The following SPNS3 variants were observed in gnomAD, a reference collection of about 807,000 sequenced individuals.
SPNS3 encodes protein spinster homolog 3.
Under a neutral mutation model 54.4 loss-of-function variants are expected in SPNS3, and 51 were observed. That is an observed-to-expected ratio of 0.94 (90% CI 0.75 to 1.18). The LOEUF (loss-of-function observed/expected upper bound fraction) is 1.18, where lower values mean the gene tolerates loss of function less well. Ranked by LOEUF, SPNS3 falls within the 50% of genes most tolerant of loss-of-function variation. The pLI, the probability that SPNS3 is intolerant of heterozygous loss-of-function variation, is 0.00. For missense variants in SPNS3, 669 were observed against 677.4 expected, an observed-to-expected ratio of 0.99 and a Z score of 0.14; for synonymous variants, 309 against 294.7, an observed-to-expected ratio of 1.05 and a Z score of -0.50.
chr17:4,449,207 A>G (rs1309607728), intron 6 of SPNS3, 28 bp from the exon 7 acceptor site: 17 of 1,604,156 alleles, frequency 1.1e-5, no homozygotes, highest in African/African-American at 9.4e-5. Flanking sequence ...CCCTCTCCCA[A>G]CTCCAGCTGG....
intron 8 of SPNS3, among the ~76,000 whole-genome samples, chr17:4,475,483 G>A (rs1031355876): frequency 3.9e-5 from 6 of 152,358 alleles, no homozygotes; most frequent in Non-Finnish European, 8.8e-5. Flanking sequence ...GATGAGGGGA[G>A]TGAGGGTGAG....
chr17:4,446,828 G>T, intron 4 of SPNS3, 68 bp from the exon 5 acceptor site: 1 of 1,484,194 alleles, frequency 6.7e-7, no homozygotes, highest in East Asian at 2.3e-5. Flanking sequence ...CCTGGGTCAG[G>T]CTGGTGGTGG....
intron 7 of SPNS3, among the ~76,000 whole-genome samples, chr17:4,452,769 C>T (rs1971199346): frequency 1.3e-5 from 2 of 151,618 alleles, no homozygotes; most frequent in Non-Finnish European, 1.5e-5. Flanking sequence ...AGTGGGATCC[C>T]CAGGATGAGA....
At chr17:4,468,460 A>T (rs557349914) in intron 8 of SPNS3, among the ~76,000 whole-genome samples, 178 of 152,228 alleles carry the variant, frequency 1.2e-3, no homozygotes, top group Non-Finnish European at 2.2e-3. Context: ...TAGAATGAAC[A>T]GGGTTTCCTG....
chr17:4,455,917 T>TGGGGGGGGGGGGGG (rs10531598), intron 8 of SPNS3, among the ~76,000 whole-genome samples: 2 of 150,746 alleles, frequency 1.3e-5, no homozygotes, highest in African/African-American at 4.9e-5. Flanking sequence ...CTGCCCTCTG[T>TGGGGGGGGGGGGGG]GGGGGGGGGG....
chr17:4,470,824 C>T (rs1971835247), intron 8 of SPNS3, among the ~76,000 whole-genome samples: 1 of 152,088 alleles, frequency 6.6e-6, no homozygotes, highest in African/African-American at 2.4e-5. Flanking sequence ...AAGAGGACAC[C>T]AGCCTTCTTA....
chr17:4,448,677 C>G (rs1971070942), intron 6 of SPNS3, among the ~76,000 whole-genome samples: 1 of 152,238 alleles, frequency 6.6e-6, no homozygotes, highest in South Asian at 2.1e-4. Context: ...GAATTCATCA[C>G]TCACCTCTCC....
intron 9 of SPNS3, chr17:4,482,451 T>G (rs369338379): frequency 6.6e-6 from 1 of 152,332 alleles, no homozygotes; most frequent in African/African-American, 2.4e-5. Flanking sequence ...GAGCACGCTT[T>G]GAGAACACTG....
intron 8 of SPNS3, among the ~76,000 whole-genome samples, chr17:4,458,642 T>TTTCTTTCG (rs1567564079): frequency 1.5e-5 from 2 of 133,546 alleles, no homozygotes; most frequent in African/African-American, 5.7e-5. Context: ...TCTTTCTTTC[T>TTTCTTTCG]TTCTTTCCTT....
At chr17:4,443,671 A>G (rs751103336) in intron 2 of SPNS3, among the ~76,000 whole-genome samples, 7 of 152,266 alleles carry the variant, frequency 4.6e-5, no homozygotes, top group Admixed American at 1.3e-4. Flanking sequence ...AAGGTCACAT[A>G]GCTAGAAAGT....
intron 8 of SPNS3, among the ~76,000 whole-genome samples, chr17:4,458,514 TCCC>T (rs1432474560): frequency 1.4e-4 from 18 of 128,944 alleles, no homozygotes; most frequent in South Asian, 9.4e-4. Flanking sequence ...CTTCCCTTCC[TCCC>T]TCCCACCCGC....
At chr17:4,443,564 C>A (rs945277560) in intron 2 of SPNS3, among the ~76,000 whole-genome samples, 19 of 152,092 alleles carry the variant, frequency 1.2e-4, no homozygotes, top group African/African-American at 4.6e-4. Flanking sequence ...ATGCAGATAA[C>A]TTTTATGTGC....
intron 8 of SPNS3, among the ~76,000 whole-genome samples, chr17:4,469,417 C>T (rs1040153100): frequency 3.3e-5 from 5 of 151,974 alleles, no homozygotes; most frequent in African/African-American, 9.7e-5. Context: ...GCAATTGGGC[C>T]GGGTGCCCAA....
intron 8 of SPNS3, among the ~76,000 whole-genome samples, chr17:4,454,866 A>G (rs1381357369): frequency 6.8e-6 from 1 of 147,812 alleles, no homozygotes; most frequent in Non-Finnish European, 1.5e-5. Context: ...CTCGTGATCC[A>G]CCCACCTCAG....
chr17:4,487,850 C>G lies in SPNS3; in HGVS notation c.1495C>G (p.Gln499Glu). The G allele has an allele frequency of 1.2e-6, 2 of 1,614,150 alleles. No individual in the cohort carries two copies. The highest frequency in any genetic ancestry group is 1.7e-6 in the Non-Finnish European group (2 of 1,179,942). ...TGTGGACAGCAACGACCTGGAGAGA[C>G]AAGGCCTACTTTCGGGCGCTGGCGC... ...NDVDSNDLERQGLLSGAGAST... is the reference protein window; with the variant it reads ...NDVDSNDLEREGLLSGAGAST... Residue 499 changes from glutamine to glutamate, a missense_variant, in exon 12 of 12, where the codon CAA becomes GAA. Gln to Glu is a conservative substitution (Grantham distance 29, BLOSUM62 2). Transcript: ENST00000355530.
rs143246776 is a variant in SPNS3, at chr17:4,446,141, G to A, written c.496G>A (p.Val166Met). Reference protein sequence around the residue: ...IAPTVLGDLFVRDQRTRVLAV... With the variant: ...IAPTVLGDLFMRDQRTRVLAV... ...GCCCACCGTCCTGGGCGACCTCTTC[G>A]TGAGGGACCAGCGCACCCGCGTGCT... is the stretch of plus-strand genomic sequence containing the variant. Residue 166 changes from valine (V) to methionine (M), a missense_variant, in exon 4 of 12, where the codon GTG becomes ATG. Physicochemically the swap from Val to Met is conservative, Grantham distance 21. Transcript: ENST00000355530. The A allele has an allele frequency of 4.5e-4, 732 of 1,613,538 alleles. No individual in the cohort carries two copies. Among genetic ancestry groups the A allele is most frequent in the Admixed American group, 5.8e-4 (35 of 59,974 alleles).
chr17:4,461,199 T>C (rs1162703087), intron 8 of SPNS3, among the ~76,000 whole-genome samples: 1 of 151,962 alleles, frequency 6.6e-6, no homozygotes, highest in Non-Finnish European at 1.5e-5. Flanking sequence ...TGAGCAGTAA[T>C]GTCCCCCCTT....
In SPNS3 at chr17:4,449,399, C is replaced by T. The variant is rs530009094; in HGVS notation, c.923+12C>T. ...AGCAACCCCGACAGGTGAGGGCATC[C>T]GGGGGCCCTGGGCACCTGGCCCGGC... On this transcript the variant is annotated intron_variant, in intron 7 of 11. Transcript: ENST00000355530. 222 of 1,570,674 alleles carry T rather than the reference C, an allele frequency of 1.4e-4. 1 individual carries two copies. In the East Asian group the frequency reaches 4.5e-3, roughly 32 times the overall value.
chr17:4,434,339 C>A (rs920207830), intron 1 of SPNS3, among the ~76,000 whole-genome samples, 173 bp downstream of exon 1: 3 of 152,150 alleles, frequency 2.0e-5, no homozygotes, highest in Non-Finnish European at 4.4e-5. Flanking sequence ...GGAGGACCAA[C>A]TGATGTTCCC....
Sources: gnomAD v4.1 joint callset for allele counts (sites outside exome capture counted in the v4.1 genomes callset) on GRCh38, gnomAD v4.1.1 for gene constraint, MANE v1.5 for transcripts, NCBI Gene and HGNC (gene_info 2026-07-23, HGNC 2026-07-21) for gene names.